Variants in ZNF3 observed in about 807,000 individuals in gnomAD.
The protein encoded by ZNF3 is C2-H2 type zinc finger protein.
In ZNF3, 16 loss-of-function variants were observed where a neutral mutation model predicts 36.9. The ratio of observed to expected loss-of-function variants is 0.43; its 90% CI spans 0.29 to 0.66. ZNF3 has a LOEUF of 0.66. ZNF3 is among the 30% of genes least tolerant of loss of function. The pLI is 0.13. For synonymous variants in ZNF3, 201 were observed against 201.9 expected (o/e 1.00, Z 0.04); for missense variants, 462 against 543.1 (o/e 0.85, Z 1.48).
chr7:100,072,855 T>C (rs1269689356), intron 5 of ZNF3, among the ~76,000 whole-genome samples: 4 of 152,208 alleles, frequency 2.6e-5, no homozygotes, highest in African/African-American at 9.7e-5. Context: ...CTGTTTTCAC[T>C]CCTTTTGAGT....
chr7:100,065,131 A>C, downstream of ZNF3: 1 of 714,228 alleles, frequency 1.4e-6, no homozygotes, highest in East Asian at 3.6e-5. Context: ...AGCTTTTAGA[A>C]AATTTGGATT....
rs1792953502 is a variant in ZNF3 at position 100,070,462 on chromosome 7, C to T, written c.*681G>A. 36 of 985,444 alleles carry T rather than the reference C, an allele frequency of 3.7e-5. No individual in the cohort carries two copies. Among genetic ancestry groups the T allele is most frequent in the Non-Finnish European group, 4.0e-5 (33 of 830,086 alleles). The allele number at this position is 985,444 out of a possible 1,614,324, so 61.0% of individuals were successfully genotyped here. On this transcript the variant is annotated 3_prime_UTR_variant, in exon 6 of 6. Coordinates refer to ENST00000299667, the MANE Select transcript of ZNF3 (RefSeq NM_032924.5). ...GTTACTAGCTGTTTGGACAGATTTG[C>T]CCATTCAGCCCCAGGACAACTGGGG...
intron 2 of ZNF3, chr7:100,077,902 G>C (rs949923356): frequency 6.6e-6 from 1 of 152,344 alleles, no homozygotes; most frequent in Admixed American, 6.5e-5. Flanking sequence ...GCTAATTTTT[G>C]TATTTTTAGT....
intron 5 of ZNF3, among the ~76,000 whole-genome samples, chr7:100,074,188 C>G (rs1466854627): frequency 6.6e-6 from 1 of 152,096 alleles, no homozygotes; most frequent in Non-Finnish European, 1.5e-5. Flanking sequence ...GAGTTAAAGA[C>G]TGGGCCCCAA....
rs766549735 is a variant in ZNF3 at position 100,071,761 on chromosome 7, T to G, written c.723A>C (p.Ser241=). The change falls in exon 6 of 6, where the codon TCA becomes TCC. Residue 241 remains serine, a synonymous_variant. Transcript: ENST00000299667. ...NECGKAFSQS[S]HLIQHQRIHT... ...GGATTCTCTGATGCTGAATAAGGTGTGAGCTCTGGCTGAAGGCCTTCCCAC... is the reference window on the plus strand; with the variant it reads ...GGATTCTCTGATGCTGAATAAGGTGGGAGCTCTGGCTGAAGGCCTTCCCAC... The G allele has an allele frequency of 1.5e-5, 24 of 1,613,836 alleles. No homozygotes were observed. The highest frequency in any genetic ancestry group is 3.4e-6 in the Non-Finnish European group (4 of 1,179,954).
At chr7:100,064,630 C>A in exon 6 of ZNF3, 2 of 1,607,574 alleles carry the variant, frequency 1.2e-6, no homozygotes, top group Non-Finnish European at 1.7e-6. Context: ...TTCAAGCGCT[C>A]CTGTTGTTGT....
intron 2 of ZNF3, chr7:100,078,907 AAG>A (rs1490885286): frequency 6.6e-6 from 1 of 152,250 alleles, no homozygotes; most frequent in African/African-American, 2.4e-5. Context: ...AGGAATGGAT[AAG>A]AGAATGTTTG....
At chr7:100,063,981 T>TA (rs764590812), downstream of ZNF3, 1 of 1,613,976 alleles carries the variant, frequency 6.2e-7, no homozygotes, top group Non-Finnish European at 8.5e-7. Flanking sequence ...CCAAGAAAGG[T>TA]AGAGAATCAG....
At chr7:100,075,008 G>A in intron 5 of ZNF3, 127 bp downstream of exon 5, 1 of 1,204,190 alleles carries the variant, frequency 8.3e-7, no homozygotes, top group South Asian at 1.5e-5. Context: ...ACTGAGCAAA[G>A]ATTGTGCCAT....
At chr7:100,072,337 C>A in intron 5 of ZNF3, 125 bp from the exon 6 acceptor site, 1 of 887,680 alleles carries the variant, frequency 1.1e-6, no homozygotes, top group Non-Finnish European at 1.7e-6. Flanking sequence ...GAGGCCTGCC[C>A]CACATGTGTG....
chr7:100,079,557 T>C lies in ZNF3; in HGVS notation c.-98A>G, dbSNP rs1176093159. The C allele has an allele frequency of 6.6e-6, 1 of 152,156 alleles. No homozygotes were observed. The highest frequency in any genetic ancestry group is 1.5e-5 in the Non-Finnish European group (1 of 68,032). 9.4% of individuals were successfully genotyped at this position (152,156 alleles called of 1,614,324 possible). On this transcript the variant is annotated 5_prime_UTR_variant, in exon 2 of 6. Coordinates refer to ENST00000299667, the MANE Select transcript of ZNF3 (RefSeq NM_032924.5). Reference sequence around the variant, plus strand: ...TTACCTGCCTGATTCTTTCCTTCCTTCTTTGAAGTCAGTCCCTAGAAGGCC... The same window carrying C: ...TTACCTGCCTGATTCTTTCCTTCCTCCTTTGAAGTCAGTCCCTAGAAGGCC...
chr7:100,064,682 T>C (rs745517768), exon 6 of ZNF3: 4 of 1,604,452 alleles, frequency 2.5e-6, no homozygotes, highest in Non-Finnish European at 3.4e-6. Context: ...GAAAGAAGTC[T>C]TGTCATTGCA....
Position 100,070,275 on chromosome 7 carries a change from G to C in ZNF3, c.*868C>G. 1.0e-6 allele frequency: 1 copy of C among 985,590 alleles called. No individual in the cohort carries two copies. Among genetic ancestry groups the C allele is most frequent in the Non-Finnish European group, 1.2e-6 (1 of 830,072 alleles). 61.1% of individuals were successfully genotyped at this position (985,590 alleles called of 1,614,324 possible). The stretch of plus-strand genomic sequence containing the variant: ...GTCTGGCTCCTGGGGCTGGGTGTCA[G>C]AGGTGAGAGGGCAGGGCAAGCAGGC... On this transcript the variant is annotated 3_prime_UTR_variant, in exon 6 of 6. Coordinates refer to ENST00000299667, the MANE Select transcript of ZNF3 (RefSeq NM_032924.5).
At chr7:100,078,702 A>C (rs1256047668) in intron 2 of ZNF3, 1 of 151,996 alleles carries the variant, frequency 6.6e-6, no homozygotes, top group Non-Finnish European at 1.5e-5. Flanking sequence ...AACAAAACAA[A>C]ACAAAACAAA....
At position 100,071,477 on chromosome 7, in the gene ZNF3, CCA is replaced by C; in HGVS notation, c.1005_1006del (p.Gly336ArgfsTer5). The C allele has an allele frequency of 1.2e-6, 2 of 1,614,108 alleles. No individual in the cohort carries two copies. The highest frequency in any genetic ancestry group is 1.7e-6 in the Non-Finnish European group (2 of 1,180,030). ...TTCATTACATTCATAGGGTTTTTCT[CCA>C]GTGTGGATTCTCTGATGGTGAATAA... On this transcript the variant is annotated frameshift_variant, in exon 6 of 6. Transcript: ENST00000299667. LOFTEE classifies it high-confidence loss of function.
exon 6 of ZNF3, chr7:100,064,300 T>A: frequency 6.2e-7 from 1 of 1,614,102 alleles, no homozygotes; most frequent in Non-Finnish European, 8.5e-7. Flanking sequence ...TGGCAAGGCT[T>A]TCAGCGGGAA....
intron 5 of ZNF3, among the ~76,000 whole-genome samples, 161 bp downstream of exon 5, chr7:100,074,974 T>C (rs1430105549): frequency 1.3e-5 from 2 of 152,150 alleles, no homozygotes; most frequent in Non-Finnish European, 2.9e-5. Context: ...CTGGGAACAC[T>C]TGAATCTGGG....
chr7:100,070,926 A>C lies in ZNF3; in HGVS notation c.*217T>G. ...TCCTAAATGGGGTAACTGGTCCCAG[A>C]GCTGCTTTCTATTCCCAGCACGCCA... On this transcript the variant is annotated 3_prime_UTR_variant, in exon 6 of 6. Transcript: ENST00000299667. The C allele has an allele frequency of 7.4e-7, 1 of 1,352,826 alleles. No homozygotes were observed. The highest frequency in any genetic ancestry group is 2.0e-5 in the South Asian group (1 of 49,560). The allele number at this position is 1,352,826 out of a possible 1,614,324, so 83.8% of individuals were successfully genotyped here.
chr7:100,071,525 G>A lies in ZNF3; in HGVS notation c.959C>T (p.Ala320Val), dbSNP rs758585476. The stretch of plus-strand genomic sequence containing the variant: ...AATAAGGGTTGAGCTCCTGCTGAAG[G>A]CCTTCCCACATTCATTGCAGGCGTA... The part of the protein sequence containing the change: ...KPYACNECGK[A>V]FSRSSTLIHH... Residue 320 changes from alanine to valine, a missense_variant, in exon 6 of 6, where the codon GCC becomes GTC. Ala to Val is a moderately conservative substitution (Grantham distance 64). Transcript: ENST00000299667. 6.2e-7 allele frequency: 1 copy of A among 1,613,452 alleles called. No homozygotes were observed. Among genetic ancestry groups the A allele is most frequent in the Non-Finnish European group, 8.5e-7 (1 of 1,179,950 alleles).
Sources: gnomAD v4.1 joint callset for allele counts (sites outside exome capture counted in the v4.1 genomes callset) on GRCh38, gnomAD v4.1.1 for gene constraint, MANE v1.5 for transcripts, NCBI Gene and HGNC (gene_info 2026-07-23, HGNC 2026-07-21) for gene names.